The following SHISA9 variants were observed in gnomAD, a reference collection of about 807,000 sequenced individuals.
SHISA9 encodes the protein protein shisa-9.
Under a neutral mutation model 38.0 loss-of-function variants are expected in SHISA9, and 13 were observed. That is an observed-to-expected ratio of 0.34 (90% CI 0.22 to 0.54). The LOEUF is 0.54. Ranked by LOEUF, SHISA9 falls within the 20% of genes least tolerant of loss-of-function variation. SHISA9 has a pLI of 0.91. For missense variants in SHISA9, 538 were observed against 575.8 expected (o/e 0.93, Z 0.67); for synonymous variants, 275 against 242.0 (o/e 1.14, Z -1.27).
At chr16:13,476,169 ATCAGAGT>A in the SHISA9 span, among the ~76,000 whole-genome samples, 1 of 152,126 alleles carries the variant, frequency 6.6e-6, no homozygotes, top group Admixed American at 6.5e-5. Flanking sequence ...CATTTGTTTT[ATCAGAGT>A]TCCTTCCTCA....
the SHISA9 span, among the ~76,000 whole-genome samples, chr16:13,287,252 G>A: frequency 9.2e-5 from 14 of 152,292 alleles, no homozygotes; most frequent in East Asian, 1.9e-3. Context: ...GATGGAAGAG[G>A]CTTTTTAGGA....
At chr16:13,553,900 T>G in the SHISA9 span, among the ~76,000 whole-genome samples, 1 of 152,118 alleles carries the variant, frequency 6.6e-6, no homozygotes, top group African/African-American at 2.4e-5. Context: ...CCAAACCAGA[T>G]GATGATCCAC....
the SHISA9 span, among the ~76,000 whole-genome samples, chr16:13,480,240 T>A: frequency 6.6e-6 from 1 of 152,148 alleles, no homozygotes; most frequent in Admixed American, 6.5e-5. Context: ...GTTTTTATTC[T>A]CTCTTTTCTC....
the SHISA9 span, among the ~76,000 whole-genome samples, chr16:13,313,124 G>A: frequency 1.3e-5 from 2 of 149,724 alleles, no homozygotes; most frequent in Admixed American, 6.6e-5. Flanking sequence ...GCGTAGTGGC[G>A]GGCGCCTGTA....
chr16:12,965,010 C>T (rs1163659618), intron 2 of SHISA9, among the ~76,000 whole-genome samples: 7 of 152,024 alleles, frequency 4.6e-5, no homozygotes, highest in Admixed American at 4.6e-4. Flanking sequence ...TATCTCCATG[C>T]ACATACGAAT....
intron 2 of SHISA9, among the ~76,000 whole-genome samples, chr16:12,925,435 T>C (rs1354379636): frequency 1.5e-5 from 1 of 67,906 alleles, no homozygotes; most frequent in African/African-American, 4.4e-5. Flanking sequence ...GAAAATGAGA[T>C]TGTGTGTGTG....
chr16:12,958,528 T>C (rs1214788580), intron 2 of SHISA9, among the ~76,000 whole-genome samples: 1 of 152,224 alleles, frequency 6.6e-6, no homozygotes, highest in African/African-American at 2.4e-5. Context: ...CAATATGTCT[T>C]CATAATAGAT....
At chr16:13,286,486 T>C in the SHISA9 span, among the ~76,000 whole-genome samples, 1 of 152,126 alleles carries the variant, frequency 6.6e-6, no homozygotes, top group Non-Finnish European at 1.5e-5. Context: ...AGAGCCCGCA[T>C]AAAACAGGCA....
At chr16:13,026,612 G>T (rs963646590) in intron 2 of SHISA9, among the ~76,000 whole-genome samples, 5 of 152,228 alleles carry the variant, frequency 3.3e-5, no homozygotes, top group African/African-American at 1.2e-4. Context: ...TGCATCGTAT[G>T]GTAGTTCTAT....
At chr16:12,967,183 G>C (rs934727084) in intron 2 of SHISA9, among the ~76,000 whole-genome samples, 1 of 152,188 alleles carries the variant, frequency 6.6e-6, no homozygotes, top group African/African-American at 2.4e-5. Context: ...TGATAGACTG[G>C]ATTAAGAAAA....
chr16:13,493,034 T>G, the SHISA9 span, among the ~76,000 whole-genome samples: 2 of 152,152 alleles, frequency 1.3e-5, no homozygotes, highest in Non-Finnish European at 2.9e-5. Flanking sequence ...GAATTATTTT[T>G]CTAAGTGTTA....
intron 2 of SHISA9, among the ~76,000 whole-genome samples, chr16:13,094,310 G>A (rs1173942497): frequency 6.6e-6 from 1 of 152,008 alleles, no homozygotes; most frequent in Non-Finnish European, 1.5e-5. Context: ...TTTGAAATAG[G>A]CCATTAGACA....
chr16:13,217,115 C>CAAA (rs1419852644), intron 4 of SHISA9, among the ~76,000 whole-genome samples: 1 of 145,588 alleles, frequency 6.9e-6, no homozygotes, highest in Non-Finnish European at 1.5e-5. Context: ...ACTAAAAATA[C>CAAA]AAAAAAAAAA....
the SHISA9 span, among the ~76,000 whole-genome samples, chr16:13,413,811 T>G: frequency 6.9e-6 from 1 of 144,426 alleles, no homozygotes; most frequent in African/African-American, 2.6e-5. Flanking sequence ...CTTTGGAGAG[T>G]TGAGTATATA....
the SHISA9 span, among the ~76,000 whole-genome samples, chr16:13,492,006 G>A: frequency 2.6e-5 from 4 of 151,200 alleles, no homozygotes; most frequent in Admixed American, 1.3e-4. Context: ...CAGAGCTAGT[G>A]ACCTTTTGAA....
chr16:13,235,715 T>C lies in SHISA9; in HGVS notation c.*306T>C. 1 of 339,466 alleles carries C rather than the reference T, an allele frequency of 2.9e-6. No homozygotes were observed. The highest frequency in any genetic ancestry group is 4.9e-5 in the East Asian group (1 of 20,440). The allele number at this position is 339,466 out of a possible 1,614,324, so 21.0% of individuals were successfully genotyped here. On this transcript the variant is annotated 3_prime_UTR_variant, in exon 5 of 5. Coordinates refer to ENST00000558583, the MANE Select transcript of SHISA9 (RefSeq NM_001145204.3). ...AACTCACATGCCCAAACCGTGGGGCTGAGTTTTCTTTTCCTCCTAACTTGA... is the reference window on the plus strand; with the variant it reads ...AACTCACATGCCCAAACCGTGGGGCCGAGTTTTCTTTTCCTCCTAACTTGA...
chr16:12,952,315 T>C (rs1364400886), intron 2 of SHISA9, among the ~76,000 whole-genome samples: 1 of 152,216 alleles, frequency 6.6e-6, no homozygotes, highest in East Asian at 1.9e-4. Context: ...GCATCTCCTC[T>C]GGCAGCCCCG....
chr16:13,052,138 C>T (rs541805575), intron 2 of SHISA9, among the ~76,000 whole-genome samples: 14 of 152,018 alleles, frequency 9.2e-5, no homozygotes, highest in Non-Finnish European at 1.6e-4. Context: ...ATCTAGTTTA[C>T]GGTAGAAACC....
rs192869626 is a variant in SHISA9, at chr16:13,153,584, C to T, written c.692-49810C>T. Among the ~76,000 whole-genome samples the T allele has an allele frequency of 3.3e-5, 5 of 152,244 alleles. No homozygotes were observed. The South Asian group carries it at 6.2e-4, about 19-fold the overall frequency. ...CAGAGAGGGTTCTCAAGCACTGCCT[C>T]CCACAGGGTCTTCAGAAAAGGCAAA... On this transcript the variant is annotated intron_variant, in intron 2 of 4. Coordinates refer to ENST00000558583, the MANE Select transcript of SHISA9 (RefSeq NM_001145204.3).
Sources: gnomAD v4.1 joint callset for allele counts (sites outside exome capture counted in the v4.1 genomes callset) on GRCh38, gnomAD v4.1.1 for gene constraint, MANE v1.5 for transcripts, NCBI Gene and HGNC (gene_info 2026-07-23, HGNC 2026-07-21) for gene names.